Variants in NRXN1 observed in about 807,000 individuals in gnomAD.
The protein encoded by NRXN1 is neurexin-1.
A neutral mutation model predicts 150.9 loss-of-function variants in NRXN1; 39 were observed. The observed-to-expected ratio is 0.26, with a 90% confidence interval of 0.20 to 0.34. NRXN1 has a LOEUF of 0.34. Ranked by LOEUF, NRXN1 falls within the 10% of genes least tolerant of loss-of-function variation. The pLI is 1.00. For synonymous variants in NRXN1, 924 were observed against 757.0 expected, an observed-to-expected ratio of 1.22 and a Z score of -3.62; for missense variants, 1,815 against 1,949.9, an observed-to-expected ratio of 0.93 and a Z score of 1.30.
intron 5 of NRXN1, among the ~76,000 whole-genome samples, chr2:50,796,445 G>A (rs552242463): frequency 3.3e-5 from 5 of 151,900 alleles, no homozygotes; most frequent in South Asian, 2.1e-4. Context: ...GAATGAACCC[G>A]CTCTCTCTCT....
intron 5 of NRXN1, among the ~76,000 whole-genome samples, chr2:50,679,892 G>C (rs1690114915): frequency 6.6e-6 from 1 of 152,044 alleles, no homozygotes; most frequent in Admixed American, 6.6e-5. Context: ...CAGCACTTTG[G>C]GAGGCCAAGA....
intron 21 of NRXN1, among the ~76,000 whole-genome samples, chr2:49,974,678 G>A (rs972228999): frequency 6.6e-6 from 1 of 151,538 alleles, no homozygotes; most frequent in Admixed American, 6.6e-5. Context: ...TTTTTTGAAT[G>A]CCAAGTTTAT....
chr2:50,299,449 T>C (rs1470638240), intron 17 of NRXN1, among the ~76,000 whole-genome samples: 1 of 152,026 alleles, frequency 6.6e-6, no homozygotes, highest in East Asian at 1.9e-4. Context: ...AAATTTATTT[T>C]TTAAATGTCT....
At chr2:50,421,661 A>T (rs1336552746) in intron 17 of NRXN1, among the ~76,000 whole-genome samples, 1 of 152,208 alleles carries the variant, frequency 6.6e-6, no homozygotes, top group East Asian at 1.9e-4. Flanking sequence ...GATTACCTGC[A>T]GGATGACATC....
chr2:50,674,728 A>G (rs143357072), intron 5 of NRXN1, among the ~76,000 whole-genome samples: 2 of 152,230 alleles, frequency 1.3e-5, no homozygotes, highest in Non-Finnish European at 2.9e-5. Context: ...CCAGGTTTTT[A>G]GCTTGGGTGA....
At chr2:50,967,724 A>C (rs909107493) in intron 2 of NRXN1, among the ~76,000 whole-genome samples, 1 of 151,942 alleles carries the variant, frequency 6.6e-6, no homozygotes, top group Admixed American at 6.6e-5. Context: ...GTTAATGTCG[A>C]ATAAGTAAGT....
At chr2:50,635,210 T>G (rs188270725) in intron 5 of NRXN1, among the ~76,000 whole-genome samples, 5 of 151,476 alleles carry the variant, frequency 3.3e-5, no homozygotes, top group African/African-American at 1.2e-4. Flanking sequence ...CAGGCTGGAG[T>G]GCAGTGGCGC....
At chr2:50,644,851 AT>A (rs1265884008) in intron 5 of NRXN1, among the ~76,000 whole-genome samples, 1 of 148,564 alleles carries the variant, frequency 6.7e-6, no homozygotes, top group Non-Finnish European at 1.5e-5. Flanking sequence ...TTATATTTAT[AT>A]ATAAGGATAT....
chr2:49,993,853 A>G (rs1023722998), intron 21 of NRXN1, among the ~76,000 whole-genome samples: 1 of 152,280 alleles, frequency 6.6e-6, no homozygotes, highest in East Asian at 1.9e-4. Flanking sequence ...GTCCACCTTT[A>G]CCTCATTAAC....
At chr2:50,661,593 G>A (rs1687312984) in intron 5 of NRXN1, among the ~76,000 whole-genome samples, 1 of 152,002 alleles carries the variant, frequency 6.6e-6, no homozygotes, top group Non-Finnish European at 1.5e-5. Context: ...AGGCTGGTAT[G>A]GTCTCCTATT....
chr2:49,950,662 A>T (rs1673768729), intron 21 of NRXN1, among the ~76,000 whole-genome samples: 1 of 151,988 alleles, frequency 6.6e-6, no homozygotes, highest in Non-Finnish European at 1.5e-5. Context: ...TCGGAATGTA[A>T]CAATGTTCCC....
At chr2:50,048,943 TTC>T (rs1172277319) in intron 21 of NRXN1, among the ~76,000 whole-genome samples, 1 of 152,152 alleles carries the variant, frequency 6.6e-6, no homozygotes, top group East Asian at 1.9e-4. Context: ...CAAAATTTTA[TTC>T]TCTCTCTTTT....
At chr2:50,804,499 T>A (rs1334578608) in intron 5 of NRXN1, among the ~76,000 whole-genome samples, 1 of 152,180 alleles carries the variant, frequency 6.6e-6, no homozygotes, top group Non-Finnish European at 1.5e-5. Context: ...TCTCTCAGAC[T>A]CCAAAATCTG....
At chr2:50,486,920 T>C (rs2090914101) in intron 15 of NRXN1, among the ~76,000 whole-genome samples, 1 of 152,126 alleles carries the variant, frequency 6.6e-6, no homozygotes, top group Non-Finnish European at 1.5e-5. Flanking sequence ...TGTATTGTTC[T>C]GGGAATTAAT....
At chr2:50,380,365 T>C (rs955157013) in intron 17 of NRXN1, among the ~76,000 whole-genome samples, 13 of 152,152 alleles carry the variant, frequency 8.5e-5, no homozygotes, top group African/African-American at 2.4e-4. Context: ...ATATAACATA[T>C]CATGACTATC....
At chr2:50,772,406 T>G (rs894099865) in intron 5 of NRXN1, among the ~76,000 whole-genome samples, 1 of 151,616 alleles carries the variant, frequency 6.6e-6, no homozygotes, top group African/African-American at 2.4e-5. Flanking sequence ...TAAAAGATGG[T>G]CATGGCATTG....
At chr2:50,142,839 T>A (rs1050736622) in intron 18 of NRXN1, among the ~76,000 whole-genome samples, 1 of 151,698 alleles carries the variant, frequency 6.6e-6, no homozygotes, top group Admixed American at 6.6e-5. Context: ...TACAACAGAC[T>A]GAGCAAAAGC....
rs115339767 is a variant in NRXN1 at position 50,967,019 on chromosome 2, G to A, written c.773-41064C>T. 1.2e-3 allele frequency among the ~76,000 whole-genome samples: 184 copies of A among 151,714 alleles called. 1 individual carries two copies. The highest frequency in any genetic ancestry group is 4.1e-3 in the African/African-American group (170 of 41,460). ...AATAAGATCAAACTGTCAATAACCA[G>A]GAAATAAGTTGTTAAAATGTCATTC... On this transcript the variant is annotated intron_variant, in intron 2 of 22. Coordinates refer to ENST00000401669, the MANE Select transcript of NRXN1 (RefSeq NM_001330078.2).
At chr2:50,655,533 A>G (rs1686304745) in intron 5 of NRXN1, among the ~76,000 whole-genome samples, 1 of 151,998 alleles carries the variant, frequency 6.6e-6, no homozygotes, top group Non-Finnish European at 1.5e-5. Flanking sequence ...GTGAACCGAA[A>G]GTTTTTGTTA....
Sources: allele counts gnomAD v4.1 joint callset (sites outside exome capture counted in the v4.1 genomes callset), GRCh38; gene constraint gnomAD v4.1.1; transcripts MANE v1.5; gene names NCBI Gene and HGNC (gene_info 2026-07-23, HGNC 2026-07-21).